MPP7: variants seen among roughly 807,000 people sequenced by gnomAD.
MPP7 encodes MAGUK p55 subfamily member 7.
A neutral mutation model predicts 76.5 loss-of-function variants in MPP7; 60 were observed. That is an observed-to-expected ratio of 0.78 (90% CI 0.64 to 0.97). The LOEUF (loss-of-function observed/expected upper bound fraction) is 0.97. Among genes scored for constraint, MPP7 ranks in the 50% least tolerant of loss-of-function variants. MPP7 has a pLI of 0.00. For synonymous variants in MPP7, 237 were observed against 244.5 expected, an observed-to-expected ratio of 0.97 and a Z score of 0.29; for missense variants, 641 against 694.0, an observed-to-expected ratio of 0.92 and a Z score of 0.86.
chr10:28,232,665 TTTA>T (rs1288726829), intron 2 of MPP7, among the ~76,000 whole-genome samples: 1 of 152,232 alleles, frequency 6.6e-6, no homozygotes, highest in Non-Finnish European at 1.5e-5. Context: ...TGTAATTCCA[TTTA>T]TAAAGTTCAA....
At chr10:28,296,450 T>C (rs544473466) in intron 1 of MPP7, among the ~76,000 whole-genome samples, 53 of 152,332 alleles carry the variant, frequency 3.5e-4, no homozygotes, top group Admixed American at 2.2e-3. Flanking sequence ...TCACTTAGAT[T>C]CCTATCCTGC....
chr10:28,121,584 T>C lies in MPP7; in HGVS notation c.616-916A>G, dbSNP rs565762586. On this transcript the variant is annotated intron_variant, in intron 8 of 16. Coordinates refer to ENST00000683449, the MANE Select transcript of MPP7 (RefSeq NM_001318170.2). ...CTCAGATAGGATTTCTCTTTAAATA[T>C]AGTCTCATGTCATTCTCTGTCTCTC... Among the ~76,000 whole-genome samples, 5 of 152,250 alleles carry C rather than the reference T, an allele frequency of 3.3e-5. No homozygotes were observed. The East Asian group carries it at 7.7e-4, about 24-fold the overall frequency.
At chr10:28,108,739 T>A (rs1180892250) in intron 11 of MPP7, among the ~76,000 whole-genome samples, 1 of 151,834 alleles carries the variant, frequency 6.6e-6, no homozygotes, top group African/African-American at 2.4e-5. Context: ...CTACTAAAAG[T>A]AGAGAGTTTG....
intron 1 of MPP7, among the ~76,000 whole-genome samples, chr10:28,251,529 T>C (rs974810370): frequency 1.3e-5 from 2 of 152,042 alleles, no homozygotes; most frequent in African/African-American, 2.4e-5. Flanking sequence ...GAACCAACAA[T>C]AGCTTGTAGG....
chr10:28,142,148 GA>G (rs1835541482), intron 5 of MPP7, among the ~76,000 whole-genome samples: 1 of 152,054 alleles, frequency 6.6e-6, no homozygotes, highest in South Asian at 2.1e-4. Flanking sequence ...TCAGTGCCCA[GA>G]AGTCATAAAG....
chr10:28,143,716 T>G (rs1307084018), intron 5 of MPP7, among the ~76,000 whole-genome samples: 1 of 150,842 alleles, frequency 6.6e-6, no homozygotes, highest in East Asian at 1.9e-4. Flanking sequence ...TGAAGTTCAC[T>G]CTAGTGGTGA....
intron 11 of MPP7, among the ~76,000 whole-genome samples, chr10:28,102,205 T>A (rs938234157): frequency 6.6e-6 from 1 of 152,118 alleles, no homozygotes; most frequent in Admixed American, 6.5e-5. Context: ...TGGAGTGGCA[T>A]CATTGTAGAT....
At chr10:28,068,350 A>C (rs1175987150) in intron 13 of MPP7, among the ~76,000 whole-genome samples, 1 of 152,160 alleles carries the variant, frequency 6.6e-6, no homozygotes, top group Non-Finnish European at 1.5e-5. Context: ...GAAAACTATA[A>C]TTTTAAAATA....
At chr10:28,094,337 T>C (rs1008714550) in intron 11 of MPP7, among the ~76,000 whole-genome samples, 6 of 151,622 alleles carry the variant, frequency 4.0e-5, no homozygotes, top group African/African-American at 1.2e-4. Context: ...TGGTCACTGA[T>C]TGTTACCAAG....
At chr10:28,306,118 A>G (rs116475493), upstream of MPP7, among the ~76,000 whole-genome samples, 1,310 of 152,298 alleles carry the variant, frequency 8.6e-3, 15 homozygotes, top group African/African-American at 0.03. Flanking sequence ...GCAGATACCT[A>G]TAAGGGAAGA....
intron 2 of MPP7, among the ~76,000 whole-genome samples, chr10:28,221,600 C>T (rs944344584): frequency 6.6e-6 from 1 of 152,174 alleles, no homozygotes; most frequent in Non-Finnish European, 1.5e-5. Context: ...AATCTCATTA[C>T]ATCCAAATCA....
intron 1 of MPP7, among the ~76,000 whole-genome samples, chr10:28,259,008 G>C (rs1418586259): frequency 1.3e-5 from 2 of 152,122 alleles, no homozygotes; most frequent in Non-Finnish European, 2.9e-5. Context: ...GAATGAGAAG[G>C]CTCAGGACTC....
intron 15 of MPP7, chr10:28,057,877 T>G: frequency 8.2e-7 from 1 of 1,214,778 alleles, no homozygotes; most frequent in Non-Finnish European, 1.0e-6. Flanking sequence ...TGCTGTGGGC[T>G]GGGGATCTGC....
At position 28,176,140 on chromosome 10, in the gene MPP7, T is replaced by C. The variant is rs545520842; in HGVS notation, c.156+26013A>G. Among the ~76,000 whole-genome samples the C allele has an allele frequency of 3.3e-5, 5 of 152,214 alleles. No individual in the cohort carries two copies. The East Asian group carries it at 9.7e-4, about 29-fold the overall frequency. On this transcript the variant is annotated intron_variant, in intron 3 of 16. Transcript: ENST00000683449. Reference sequence around the variant, plus strand: ...GTCACTGTTAGGAACCAATACAGTATTTAACAAGAGATTCTAGAATTGAGA... The same window carrying C: ...GTCACTGTTAGGAACCAATACAGTACTTAACAAGAGATTCTAGAATTGAGA...
intron 1 of MPP7, among the ~76,000 whole-genome samples, chr10:28,267,063 G>A (rs182648976): frequency 6.6e-6 from 1 of 152,250 alleles, no homozygotes; most frequent in Non-Finnish European, 1.5e-5. Flanking sequence ...TAGTTCGGGG[G>A]CCTAAAAACT....
chr10:28,177,955 C>T (rs1298329776), intron 3 of MPP7, among the ~76,000 whole-genome samples: 3 of 152,058 alleles, frequency 2.0e-5, no homozygotes, highest in East Asian at 1.9e-4. Context: ...CAGCAGATTC[C>T]AGGTCTCTCT....
intron 2 of MPP7, among the ~76,000 whole-genome samples, chr10:28,326,771 A>G (rs1036422690): frequency 2.6e-5 from 4 of 152,252 alleles, no homozygotes; most frequent in Non-Finnish European, 5.9e-5. Flanking sequence ...CAAGTGGCAG[A>G]AAGTGCTGGG....
At chr10:28,305,776 A>G (rs1841250570), upstream of MPP7, 2 of 152,366 alleles carry the variant, frequency 1.3e-5, no homozygotes, top group Middle Eastern at 3.4e-3. Context: ...CCTAGCCTGG[A>G]TGGCCCCAGA....
chr10:28,280,009 G>A (rs1170817809), intron 1 of MPP7: 2 of 152,026 alleles, frequency 1.3e-5, no homozygotes, highest in African/African-American at 4.8e-5. Context: ...TCCCTAATGT[G>A]CCCAAGCCAC....
Sources: allele counts gnomAD v4.1 joint callset (sites outside exome capture counted in the v4.1 genomes callset), GRCh38; gene constraint gnomAD v4.1.1; transcripts MANE v1.5; gene names NCBI Gene and HGNC (gene_info 2026-07-23, HGNC 2026-07-21).